The following SYN3 variants were observed in gnomAD, a reference collection of about 807,000 sequenced individuals.
SYN3 encodes synapsin-3.
A neutral mutation model predicts 65.8 loss-of-function variants in SYN3; 35 were observed. The ratio of observed to expected loss-of-function variants is 0.53; its 90% confidence interval spans 0.41 to 0.70. The LOEUF (loss-of-function observed/expected upper bound fraction) is 0.70, where lower values mean the gene tolerates loss of function less well. Ranked by LOEUF, SYN3 falls within the 30% of genes least tolerant of loss-of-function variation. SYN3 has a pLI of 0.00. For missense variants in SYN3, 680 were observed against 749.0 expected (o/e 0.91, Z 1.08); for synonymous variants, 270 against 292.9 (o/e 0.92, Z 0.80).
chr22:32,689,265 A>G (rs1207379885), intron 6 of SYN3, among the ~76,000 whole-genome samples: 1 of 152,188 alleles, frequency 6.6e-6, no homozygotes, highest in Non-Finnish European at 1.5e-5. Context: ...TGAGGAGTGG[A>G]AAATGAATGA....
intron 1 of SYN3, among the ~76,000 whole-genome samples, chr22:33,021,607 G>A (rs570514286): frequency 6.6e-6 from 1 of 152,244 alleles, no homozygotes; most frequent in Admixed American, 6.5e-5. Flanking sequence ...TCCTTCATCT[G>A]GAACTCTCTG....
chr22:32,902,150 T>G (rs2049778534), intron 4 of SYN3, among the ~76,000 whole-genome samples: 1 of 152,226 alleles, frequency 6.6e-6, no homozygotes, highest in African/African-American at 2.4e-5. Flanking sequence ...TGGCGGCTGT[T>G]CCCAACACAC....
intron 6 of SYN3, among the ~76,000 whole-genome samples, chr22:32,833,587 A>C (rs188310863): frequency 2.3e-4 from 35 of 152,314 alleles, no homozygotes; most frequent in African/African-American, 8.4e-4. Flanking sequence ...GTGGCCTGTG[A>C]AATGTGCCCA....
Position 33,012,949 on chromosome 22 carries a change from C to T in SYN3, c.-162-6125G>A, listed in dbSNP as rs563205931. On this transcript the variant is annotated intron_variant, in intron 1 of 13. Transcript: ENST00000358763. Reference sequence around the variant, plus strand: ...TTGTTTTTCTCCAGCAACCTCAAATCGTTTTAAAGATTTTTTCCAAAGTTT... The same window carrying T: ...TTGTTTTTCTCCAGCAACCTCAAATTGTTTTAAAGATTTTTTCCAAAGTTT... 2.0e-4 allele frequency among the ~76,000 whole-genome samples: 30 copies of T among 152,306 alleles called. No individual in the cohort carries two copies. In the South Asian group the frequency reaches 6.0e-3, roughly 31 times the overall value.
intron 1 of SYN3, among the ~76,000 whole-genome samples, chr22:33,042,415 A>G (rs530621973): frequency 5.3e-5 from 8 of 152,350 alleles, no homozygotes; most frequent in African/African-American, 1.9e-4. Flanking sequence ...CTTAGTAAAC[A>G]ATACACGTAT....
chr22:32,520,032 G>T (rs1398262911), intron 12 of SYN3, among the ~76,000 whole-genome samples: 5 of 152,108 alleles, frequency 3.3e-5, no homozygotes, highest in African/African-American at 4.8e-5. Flanking sequence ...ACTCTAGAGA[G>T]AGCCACATGT....
chr22:33,053,658 G>A (rs2054208090), intron 1 of SYN3, among the ~76,000 whole-genome samples: 1 of 152,110 alleles, frequency 6.6e-6, no homozygotes, highest in Non-Finnish European at 1.5e-5. Flanking sequence ...TCTCTTTCTT[G>A]GGCTAATTCC....
chr22:32,661,698 T>C (rs1233029178), intron 6 of SYN3, among the ~76,000 whole-genome samples: 2 of 151,944 alleles, frequency 1.3e-5, no homozygotes, highest in African/African-American at 4.8e-5. Context: ...TCCTTCTCTT[T>C]CCCCCCACCT....
intron 4 of SYN3, among the ~76,000 whole-genome samples, chr22:32,921,365 A>C (rs2050329787): frequency 6.6e-6 from 1 of 152,202 alleles, no homozygotes. Context: ...CTCATACCTG[A>C]GCAACAGATT....
chr22:32,962,652 GT>G (rs1321850980), intron 3 of SYN3, among the ~76,000 whole-genome samples: 1 of 152,158 alleles, frequency 6.6e-6, no homozygotes, highest in African/African-American at 2.4e-5. Flanking sequence ...ACAGACAGGA[GT>G]TCAAATCCTG....
At chr22:32,716,138 A>C (rs1048968964) in intron 6 of SYN3, among the ~76,000 whole-genome samples, 1 of 152,176 alleles carries the variant, frequency 6.6e-6, no homozygotes, top group South Asian at 2.1e-4. Context: ...ATCCTGCCCC[A>C]ACCCCATCTG....
intron 6 of SYN3, among the ~76,000 whole-genome samples, chr22:32,639,654 A>AT (rs1555913446): frequency 6.6e-6 from 1 of 151,944 alleles, no homozygotes; most frequent in African/African-American, 2.4e-5. Flanking sequence ...CTCAAGTGAT[A>AT]TACCATCTCA....
chr22:33,051,504 C>A (rs957310859), intron 1 of SYN3, among the ~76,000 whole-genome samples: 2 of 152,092 alleles, frequency 1.3e-5, no homozygotes, highest in African/African-American at 4.8e-5. Context: ...CATTGGGACC[C>A]TTTCTGGACA....
intron 6 of SYN3, among the ~76,000 whole-genome samples, chr22:32,749,533 C>T (rs1422807033): frequency 1.3e-5 from 2 of 151,944 alleles, no homozygotes; most frequent in African/African-American, 2.4e-5. Context: ...ACAAACTACT[C>T]GGGAGGCTGA....
Position 32,537,168 on chromosome 22 carries a change from T to C in SYN3, c.992+868A>G, listed in dbSNP as rs372646825. 6.3e-3 allele frequency among the ~76,000 whole-genome samples: 920 copies of C among 147,074 alleles called. 4 individuals carry two copies. Among genetic ancestry groups the C allele is most frequent in the South Asian group, 0.037 (172 of 4,626 alleles). ...CTTGGCCCTTCGACCCTTCCCCCCC[T>C]TTTTTTTTTAAACAGAGTTTTGCTC... On this transcript the variant is annotated intron_variant, in intron 9 of 13. Transcript: ENST00000358763.
chr22:32,787,201 C>T (rs1361245027), intron 6 of SYN3, among the ~76,000 whole-genome samples: 2 of 151,974 alleles, frequency 1.3e-5, no homozygotes, highest in African/African-American at 4.8e-5. Context: ...GTGCGTGCCA[C>T]CACACCCGGC....
intron 6 of SYN3, among the ~76,000 whole-genome samples, chr22:32,660,418 ACCAGATGGCGGCATT>A (rs2060200698): frequency 1.3e-5 from 2 of 152,182 alleles, no homozygotes; most frequent in African/African-American, 4.8e-5. Flanking sequence ...CCGTGTGCCC[ACCAGATGGCGGCATT>A]CTAGCATATT....
At chr22:32,517,498 G>A (rs867830892) in intron 13 of SYN3, among the ~76,000 whole-genome samples, 18 of 152,236 alleles carry the variant, frequency 1.2e-4, no homozygotes, top group Admixed American at 5.2e-4. Flanking sequence ...CAGATTTAGC[G>A]AATAAAAATG....
At chr22:32,870,396 A>C (rs939492811) in intron 4 of SYN3, among the ~76,000 whole-genome samples, 6 of 152,182 alleles carry the variant, frequency 3.9e-5, no homozygotes, top group African/African-American at 1.4e-4. Context: ...ATATCTTCTA[A>C]AATATAATTT....
Sources: allele counts gnomAD v4.1 joint callset (sites outside exome capture counted in the v4.1 genomes callset), GRCh38; gene constraint gnomAD v4.1.1; transcripts MANE v1.5; gene names NCBI Gene and HGNC (gene_info 2026-07-23, HGNC 2026-07-21).